PHACTR1: variants seen among roughly 807,000 people sequenced by gnomAD.
PHACTR1 encodes the protein RPEL repeat containing 1.
PHACTR1 carries 16 observed loss-of-function variants against 69.2 expected under a neutral mutation model. That is an observed-to-expected ratio of 0.23 (90% CI 0.16 to 0.35). The LOEUF is 0.35. PHACTR1 is among the 10% of genes least tolerant of loss of function. PHACTR1 has a pLI of 1.00. For missense variants in PHACTR1, 510 were observed against 734.7 expected (o/e 0.69, Z 3.54); for synonymous variants, 312 against 284.5 (o/e 1.10, Z -0.97).
intron 5 of PHACTR1, among the ~76,000 whole-genome samples, chr6:13,077,983 T>G (rs908149675): frequency 2.0e-5 from 3 of 152,132 alleles, no homozygotes; most frequent in Admixed American, 1.3e-4. Flanking sequence ...AATCTGCTTA[T>G]GACAAGGAAC....
chr6:13,064,602 ATATCTATATATCTATCTATC>A (rs1561776427), intron 5 of PHACTR1, among the ~76,000 whole-genome samples: 12 of 6,444 alleles, frequency 1.9e-3, no homozygotes, highest in South Asian at 8.8e-3. Context: ...ATATATATAT[ATATCTATATATCTATCTATC>A]CACACTTGCC....
intron 5 of PHACTR1, among the ~76,000 whole-genome samples, chr6:13,107,892 A>T (rs1816429354): frequency 6.6e-6 from 1 of 151,614 alleles, no homozygotes; most frequent in Non-Finnish European, 1.5e-5. Flanking sequence ...TTCCTTTCTT[A>T]TTGATTTCTA....
At chr6:12,980,173 A>G (rs1795341477) in intron 4 of PHACTR1, among the ~76,000 whole-genome samples, 1 of 152,204 alleles carries the variant, frequency 6.6e-6, no homozygotes, top group Non-Finnish European at 1.5e-5. Context: ...AATAGTGAAA[A>G]CTTGTTATTC....
chr6:12,903,559 G>C (rs180771306), intron 4 of PHACTR1, among the ~76,000 whole-genome samples: 1 of 152,182 alleles, frequency 6.6e-6, no homozygotes, highest in African/African-American at 2.4e-5. Flanking sequence ...ATTCTCCAAG[G>C]CTCCCCACTG....
At chr6:12,788,610 A>G (rs1416809991) in intron 4 of PHACTR1, among the ~76,000 whole-genome samples, 2 of 152,262 alleles carry the variant, frequency 1.3e-5, no homozygotes, top group Admixed American at 1.3e-4. Context: ...AAATATTAAT[A>G]AAGTGAGAAA....
rs1554153385 is a variant in PHACTR1 at position 13,195,779 on chromosome 6, A to AAG, written c.665-10035_665-10034dup. 8.7e-4 allele frequency among the ~76,000 whole-genome samples: 103 copies of AAG among 118,574 alleles called. 8 individuals carry two copies. The highest frequency in any genetic ancestry group is 2.9e-3 in the African/African-American group (90 of 30,942). 77.8% of individuals were successfully genotyped at this position (118,574 alleles called of 152,430 possible). On this transcript the variant is annotated intron_variant, in intron 7 of 14. Transcript: ENST00000332995. ...TCTCAAAAAAAAAAAAAAAAAAAAA[A>AAG]AGTTCATTTGTGGTGGTAAGAAGAG...
chr6:13,158,053 TG>T (rs1300740787), intron 5 of PHACTR1, among the ~76,000 whole-genome samples: 1 of 152,128 alleles, frequency 6.6e-6, no homozygotes, highest in African/African-American at 2.4e-5. Context: ...AACTAATTTT[TG>T]TATTTTTAGT....
intron 8 of PHACTR1, among the ~76,000 whole-genome samples, chr6:13,211,582 A>G (rs1254853059): frequency 1.1e-4 from 17 of 152,188 alleles, no homozygotes; most frequent in Admixed American, 1.0e-3. Context: ...TTCCCTTCTC[A>G]ATTAAAGGCA....
intron 3 of PHACTR1, among the ~76,000 whole-genome samples, chr6:12,727,795 C>G (rs1762991477): frequency 6.6e-6 from 1 of 152,174 alleles, no homozygotes; most frequent in Non-Finnish European, 1.5e-5. Context: ...GAGCCTAACA[C>G]TTCAAAATCA....
chr6:12,751,881 A>G (rs1247441575), intron 4 of PHACTR1, among the ~76,000 whole-genome samples: 1 of 152,230 alleles, frequency 6.6e-6, no homozygotes, highest in Non-Finnish European at 1.5e-5. Context: ...TCTGTACTGC[A>G]GTCAGGGGAG....
At chr6:12,838,092 C>A (rs1778332917) in intron 4 of PHACTR1, among the ~76,000 whole-genome samples, 1 of 152,188 alleles carries the variant, frequency 6.6e-6, no homozygotes, top group Admixed American at 6.5e-5. Context: ...GGCAAGAGGC[C>A]ACCCCAACAC....
intron 4 of PHACTR1, among the ~76,000 whole-genome samples, chr6:12,752,705 CA>C: frequency 6.6e-6 from 1 of 152,250 alleles, no homozygotes. Flanking sequence ...AAGGATTTTT[CA>C]ACTACACCCT....
chr6:13,114,349 C>G (rs1204054450), intron 5 of PHACTR1, among the ~76,000 whole-genome samples: 1 of 152,070 alleles, frequency 6.6e-6, no homozygotes, highest in Non-Finnish European at 1.5e-5. Context: ...CCCTAGCTCT[C>G]ATATTCTTGG....
chr6:12,845,422 A>ACCCCCCCCCCCCCC (rs879435671), intron 4 of PHACTR1, among the ~76,000 whole-genome samples: 1 of 12,798 alleles, frequency 7.8e-5, no homozygotes, highest in African/African-American at 2.8e-4. Flanking sequence ...CATTGTGAAC[A>ACCCCCCCCCCCCCC]CCACCCACCC....
Position 13,246,050 on chromosome 6 carries a change from T to C in PHACTR1, c.1391+15857T>C, listed in dbSNP as rs986938046. 6.6e-6 allele frequency among the ~76,000 whole-genome samples: 1 copy of C among 152,208 alleles called. No homozygotes were observed. The highest frequency in any genetic ancestry group is 2.4e-5 in the African/African-American group (1 of 41,450). Reference sequence around the variant, plus strand: ...TACACTACTAGCCAAGTTCACACAGTAATTTCTGACAAACTAGGATTTAAA... The same window carrying C: ...TACACTACTAGCCAAGTTCACACAGCAATTTCTGACAAACTAGGATTTAAA... On this transcript the variant is annotated intron_variant, in intron 10 of 14. Transcript: ENST00000332995. This position sits in a 1 kb window ranked among gnomAD's most constrained non-coding sequence, Gnocchi z 4.2.
At chr6:13,164,236 T>C (rs114838027) in intron 6 of PHACTR1, among the ~76,000 whole-genome samples, 157 of 152,322 alleles carry the variant, frequency 1.0e-3, no homozygotes, top group African/African-American at 3.6e-3. Context: ...TATCTGAGAT[T>C]CGGGGGGTAA....
intron 4 of PHACTR1, among the ~76,000 whole-genome samples, chr6:12,829,255 A>G (rs1319299340): frequency 1.3e-5 from 2 of 152,224 alleles, no homozygotes; most frequent in African/African-American, 2.4e-5. Flanking sequence ...CTGTAAAGGA[A>G]AAAGAGAGAA....
chr6:12,883,693 G>T (rs950448859), intron 4 of PHACTR1, among the ~76,000 whole-genome samples: 6 of 152,058 alleles, frequency 3.9e-5, no homozygotes, highest in Admixed American at 1.3e-4. Flanking sequence ...CTCCCTGCGG[G>T]TCTGAGAGCT....
intron 4 of PHACTR1, among the ~76,000 whole-genome samples, chr6:12,872,104 TCTGATTGCTA>T (rs1383422820): frequency 6.6e-6 from 1 of 152,160 alleles, no homozygotes; most frequent in African/African-American, 2.4e-5. Context: ...TGCTAAGGGT[TCTGATTGCTA>T]CTGGATTTCC....
Sources: allele counts gnomAD v4.1 joint callset (sites outside exome capture counted in the v4.1 genomes callset), GRCh38; gene constraint gnomAD v4.1.1; non-coding constraint Gnocchi (gnomAD v3.1); transcripts MANE v1.5; gene names NCBI Gene and HGNC (gene_info 2026-07-23, HGNC 2026-07-21).